The following PHC2 variants were observed in gnomAD, a reference collection of about 807,000 sequenced individuals.
PHC2 encodes the protein polyhomeotic homolog 2, also known as polyhomeotic-like protein 2.
In PHC2, 29 loss-of-function variants were observed where a neutral mutation model predicts 87.4. The ratio of observed to expected loss-of-function variants is 0.33; its 90% CI spans 0.25 to 0.45. The LOEUF (loss-of-function observed/expected upper bound fraction) is 0.45. PHC2 is among the 20% of genes least tolerant of loss of function. The probability of loss-of-function intolerance (pLI) is 1.00; values close to 1 mark genes in which losing one functional copy is unlikely to be tolerated. For missense variants in PHC2, 857 were observed against 1,136.7 expected (o/e 0.75, Z 3.54); for synonymous variants, 438 against 461.7 (o/e 0.95, Z 0.66).
intron 1 of PHC2, among the ~76,000 whole-genome samples, chr1:33,419,740 G>C (rs921404110): frequency 6.6e-6 from 1 of 152,162 alleles, no homozygotes; most frequent in Non-Finnish European, 1.5e-5. Context: ...CTCCCGAGTA[G>C]CTGGGACTAT....
chr1:33,392,422 C>T lies in PHC2; in HGVS notation c.-54-16829G>A, dbSNP rs112830517. On this transcript the variant is annotated intron_variant, in intron 1 of 14. Coordinates refer to ENST00000683057, the MANE Select transcript of PHC2 (RefSeq NM_001385109.1). The stretch of plus-strand genomic sequence containing the variant: ...CGTTCTGTTCCTTGCAGGTGCTCTA[C>T]GGCCATACTAATGGATTCTTATCTG... Among the ~76,000 whole-genome samples the T allele has an allele frequency of 5.4e-3, 821 of 152,264 alleles. 12 individuals carry two copies. Among genetic ancestry groups the T allele is most frequent in the African/African-American group, 0.019 (787 of 41,542 alleles).
At chr1:33,378,263 G>A (rs1648285724) in intron 1 of PHC2, among the ~76,000 whole-genome samples, 2 of 152,202 alleles carry the variant, frequency 1.3e-5, no homozygotes, top group Non-Finnish European at 2.9e-5. Flanking sequence ...TGCATAAAAA[G>A]TGGTAGGAGG....
chr1:33,367,559 A>T, intron 6 of PHC2, 131 bp from the exon 7 acceptor site: 1 of 741,488 alleles, frequency 1.3e-6, no homozygotes, highest in Non-Finnish European at 2.2e-6. Flanking sequence ...AGAGAGAGAG[A>T]ATGTGTTAGG....
At chr1:33,337,070 G>C (rs968251172) in intron 9 of PHC2, among the ~76,000 whole-genome samples, 2 of 152,246 alleles carry the variant, frequency 1.3e-5, no homozygotes, top group South Asian at 4.1e-4. Flanking sequence ...TACTAACATA[G>C]ATTACTATGA....
At chr1:33,343,179 G>A (rs1366034469) in intron 9 of PHC2, among the ~76,000 whole-genome samples, 2 of 152,100 alleles carry the variant, frequency 1.3e-5, no homozygotes, top group African/African-American at 4.8e-5. Flanking sequence ...AAGACTCTAG[G>A]CGGCCAGGTA....
chr1:33,347,322 G>C, intron 9 of PHC2: 1 of 985,410 alleles, frequency 1.0e-6, no homozygotes, highest in Non-Finnish European at 1.2e-6. Context: ...CAGAAACAAT[G>C]GCTGATGAGA....
intron 6 of PHC2, 108 bp from the exon 7 acceptor site, chr1:33,367,536 A>T: frequency 1.1e-6 from 1 of 871,088 alleles, no homozygotes; most frequent in East Asian, 2.5e-5. Flanking sequence ...ATAGAACAGG[A>T]GGTTGTCAAA....
intron 1 of PHC2, among the ~76,000 whole-genome samples, chr1:33,408,272 G>T (rs1247919759): frequency 6.6e-6 from 1 of 152,092 alleles, no homozygotes; most frequent in Non-Finnish European, 1.5e-5. Flanking sequence ...CAAGCAAAAA[G>T]AATAACATAT....
intron 9 of PHC2, among the ~76,000 whole-genome samples, chr1:33,337,320 C>T (rs559355420): frequency 3.1e-4 from 47 of 152,190 alleles, no homozygotes; most frequent in Non-Finnish European, 6.0e-4. Context: ...AGTTTGTTCC[C>T]ACCTTGGACG....
intron 7 of PHC2, chr1:33,363,820 G>A: frequency 5.1e-6 from 5 of 985,208 alleles, no homozygotes; most frequent in Non-Finnish European, 6.0e-6. Flanking sequence ...CTGGGGCTGT[G>A]GCCCACTCCC....
chr1:33,418,043 C>T lies in PHC2; in HGVS notation c.-55+12933G>A, dbSNP rs937513737. 2.6e-5 allele frequency among the ~76,000 whole-genome samples: 4 copies of T among 152,134 alleles called. No individual in the cohort carries two copies. In the East Asian group the frequency reaches 7.7e-4, roughly 29 times the overall value. On this transcript the variant is annotated intron_variant, in intron 1 of 14. Transcript: ENST00000683057. ...ATTTTAAACCTAGTGAAAACAAAAA[C>T]ATTACGTATCAAAATCTGTAGGATA...
chr1:33,430,790 T>G (rs1045094500), intron 1 of PHC2, among the ~76,000 whole-genome samples, 186 bp downstream of exon 1: 1 of 150,104 alleles, frequency 6.7e-6, no homozygotes, highest in African/African-American at 2.4e-5. Context: ...TCAGGCCGCC[T>G]GCCGCCCGCC....
intron 1 of PHC2, among the ~76,000 whole-genome samples, chr1:33,407,127 T>C (rs961706714): frequency 6.6e-6 from 1 of 152,226 alleles, no homozygotes; most frequent in Non-Finnish European, 1.5e-5. Context: ...TTTAAAACAA[T>C]CTGTTACAAT....
chr1:33,393,686 T>G (rs1649175905), intron 1 of PHC2, among the ~76,000 whole-genome samples: 1 of 15,956 alleles, frequency 6.3e-5, no homozygotes, highest in African/African-American at 8.1e-4. Flanking sequence ...TGTTATTGAC[T>G]TGATGCTCAG....
intron 1 of PHC2, among the ~76,000 whole-genome samples, chr1:33,384,900 G>C (rs1648663863): frequency 6.6e-6 from 1 of 152,188 alleles, no homozygotes; most frequent in Admixed American, 6.5e-5. Context: ...AAAGCTTGAA[G>C]CTCTTTGGGA....
intron 1 of PHC2, among the ~76,000 whole-genome samples, chr1:33,417,016 T>C (rs1650240198): frequency 6.6e-6 from 1 of 152,108 alleles, no homozygotes; most frequent in Non-Finnish European, 1.5e-5. Flanking sequence ...AGTATATAGT[T>C]TTAATGTTTC....
chr1:33,373,258 C>T (rs1196266842), intron 2 of PHC2, among the ~76,000 whole-genome samples: 1 of 152,162 alleles, frequency 6.6e-6, no homozygotes, highest in Non-Finnish European at 1.5e-5. Context: ...GCTGGAATTA[C>T]AGGTGCCCGC....
chr1:33,393,272 C>T (rs10798945), intron 1 of PHC2, among the ~76,000 whole-genome samples: 117,589 of 151,988 alleles, frequency 0.77, 45,978 homozygotes, highest in African/African-American at 0.88. Context: ...TGGGAGGATG[C>T]GATAGAGAAT....
intron 1 of PHC2, among the ~76,000 whole-genome samples, chr1:33,428,664 G>A (rs1650779794): frequency 1.3e-5 from 2 of 152,236 alleles, no homozygotes; most frequent in Admixed American, 6.5e-5. Context: ...TATAGTTCTA[G>A]AGATAGATGC....
Sources: allele counts gnomAD v4.1 joint callset (sites outside exome capture counted in the v4.1 genomes callset), GRCh38; gene constraint gnomAD v4.1.1; transcripts MANE v1.5; gene names NCBI Gene and HGNC (gene_info 2026-07-23, HGNC 2026-07-21).